N4BP1: variants seen among roughly 807,000 people sequenced by gnomAD.
N4BP1 encodes the protein NEDD4-binding protein 1.
In N4BP1, 21 loss-of-function variants were observed where a neutral mutation model predicts 70.9. The ratio of observed to expected loss-of-function variants is 0.30; its 90% confidence interval spans 0.21 to 0.43. The LOEUF (loss-of-function observed/expected upper bound fraction) is 0.43, where lower values mean the gene tolerates loss of function less well. Among genes scored for constraint, N4BP1 ranks in the 20% least tolerant of loss-of-function variants. N4BP1 has a pLI of 1.00. For missense variants in N4BP1, 936 were observed against 1,069.4 expected, an observed-to-expected ratio of 0.88 and a Z score of 1.74; for synonymous variants, 387 against 394.6, an observed-to-expected ratio of 0.98 and a Z score of 0.23.
intron 1 of N4BP1, among the ~76,000 whole-genome samples, chr16:48,563,043 A>T (rs1597097301): frequency 1.3e-5 from 2 of 152,188 alleles, no homozygotes. Flanking sequence ...CTGTTTTCTA[A>T]AGAAAACCAG....
At chr16:48,588,484 G>A (rs935173137) in intron 1 of N4BP1, among the ~76,000 whole-genome samples, 2 of 151,870 alleles carry the variant, frequency 1.3e-5, no homozygotes, top group African/African-American at 2.4e-5. Context: ...TAGTAGAGAC[G>A]GGGTTTCACC....
intron 1 of N4BP1, among the ~76,000 whole-genome samples, chr16:48,594,343 T>C (rs1200101251): frequency 1.3e-5 from 2 of 152,206 alleles, no homozygotes; most frequent in African/African-American, 4.8e-5. Context: ...CCTGGGATTC[T>C]ACTTTGTGAA....
At chr16:48,551,921 G>A (rs1363820929) in intron 3 of N4BP1, among the ~76,000 whole-genome samples, 1 of 152,142 alleles carries the variant, frequency 6.6e-6, no homozygotes, top group African/African-American at 2.4e-5. Context: ...AGGAGGCTGA[G>A]GCAGGAGAAT....
At chr16:48,577,085 G>C (rs970795132) in intron 1 of N4BP1, among the ~76,000 whole-genome samples, 4 of 152,112 alleles carry the variant, frequency 2.6e-5, no homozygotes, top group African/African-American at 7.2e-5. Flanking sequence ...GAAAAAGGTA[G>C]CCCAAGCCCC....
rs939626165 is a variant in N4BP1, at chr16:48,594,125, G to A, written c.198+15650C>T. Among the ~76,000 whole-genome samples the A allele has an allele frequency of 8.2e-5, 12 of 146,190 alleles. No individual in the cohort carries two copies. In the East Asian group the frequency reaches 1.4e-3, roughly 17 times the overall value. On this transcript the variant is annotated intron_variant, in intron 1 of 6. Transcript: ENST00000262384. ...TTTTCATGTAATATTAAAAGATAACGAAAGGTTTTCATTTGCCTTTTAAGT... is the reference window on the plus strand; with the variant it reads ...TTTTCATGTAATATTAAAAGATAACAAAAGGTTTTCATTTGCCTTTTAAGT...
intron 1 of N4BP1, among the ~76,000 whole-genome samples, chr16:48,574,773 C>A (rs1433967909): frequency 2.0e-5 from 3 of 152,168 alleles, no homozygotes; most frequent in African/African-American, 7.2e-5. Context: ...AATCTTTTCA[C>A]AGAAAGTGAT....
rs1963936349 is a variant in N4BP1 at position 48,565,882 on chromosome 16, C to T, written c.199-3438G>A. 5.3e-5 allele frequency among the ~76,000 whole-genome samples: 8 copies of T among 152,260 alleles called. No individual in the cohort carries two copies. In the South Asian group the frequency reaches 1.7e-3, roughly 32 times the overall value. ...AGTTTGTGCCTTTTGAGGAATTGGT[C>T]CATTTCAACTAAGTCATCAAATTTA... On this transcript the variant is annotated intron_variant, in intron 1 of 6. Transcript: ENST00000262384.
chr16:48,604,315 C>CT (rs1274923687), intron 1 of N4BP1, among the ~76,000 whole-genome samples: 1 of 152,108 alleles, frequency 6.6e-6, no homozygotes, highest in African/African-American at 2.4e-5. Flanking sequence ...CTTTGGGATG[C>CT]TGAGGTGGGA....
intron 1 of N4BP1, among the ~76,000 whole-genome samples, chr16:48,565,706 C>T (rs1333813960): frequency 6.6e-6 from 1 of 152,094 alleles, no homozygotes; most frequent in Admixed American, 6.5e-5. Context: ...AATTGATGTT[C>T]ATTCTTTTTT....
chr16:48,601,767 G>A (rs1040409394), intron 1 of N4BP1, among the ~76,000 whole-genome samples: 1 of 151,998 alleles, frequency 6.6e-6, no homozygotes, highest in Non-Finnish European at 1.5e-5. Context: ...TGGAGTGCAG[G>A]GGTACAATCA....
intron 1 of N4BP1, among the ~76,000 whole-genome samples, chr16:48,592,284 T>G (rs1364030042): frequency 6.6e-6 from 1 of 152,178 alleles, no homozygotes; most frequent in Non-Finnish European, 1.5e-5. Flanking sequence ...GCCAGGCAAT[T>G]AAATGCATGG....
Position 48,561,752 on chromosome 16 carries a change from C to T in N4BP1, c.891G>A (p.Lys297=). The T allele has an allele frequency of 6.2e-7, 1 of 1,612,382 alleles. No homozygotes were observed. Among genetic ancestry groups the T allele is most frequent in the South Asian group, 1.1e-5 (1 of 91,078 alleles). ...FSDSEERHTK[K]QFSLENVQEG... is the part of the protein sequence containing the mutation. Reference sequence around the variant, plus strand: ...CCTGAACATTTTCCAAAGAAAACTGCTTCTTCGTATGCCTTTCTTCAGAAT... The same window carrying T: ...CCTGAACATTTTCCAAAGAAAACTGTTTCTTCGTATGCCTTTCTTCAGAAT... The change falls in exon 2 of 7, where the codon AAG becomes AAA. Residue 297 remains lysine (K), a synonymous_variant. Coordinates refer to ENST00000262384, the MANE Select transcript of N4BP1 (RefSeq NM_153029.4).
chr16:48,562,870 T>G (rs962503506), intron 1 of N4BP1, among the ~76,000 whole-genome samples: 4 of 152,230 alleles, frequency 2.6e-5, no homozygotes, highest in African/African-American at 9.6e-5. Context: ...TCTTGACTTT[T>G]GCTACTATTA....
In N4BP1 at chr16:48,584,856, GTATTATTT is replaced by G. The variant is rs1964221229; in HGVS notation, c.199-22420_199-22413del. 2.6e-5 allele frequency among the ~76,000 whole-genome samples: 4 copies of G among 152,120 alleles called. No individual in the cohort carries two copies. The South Asian group carries it at 8.3e-4, about 31-fold the overall frequency. ...ATCAAAATAATTCTCACGCAAATCA[GTATTATTT>G]TATTATTTTAATACTAATTTAAAAA... On this transcript the variant is annotated intron_variant, in intron 1 of 6. Transcript: ENST00000262384.
chr16:48,594,542 G>A (rs1411385747), intron 1 of N4BP1, among the ~76,000 whole-genome samples: 1 of 152,118 alleles, frequency 6.6e-6, no homozygotes, highest in Non-Finnish European at 1.5e-5. Flanking sequence ...TTTTGGTAGA[G>A]ACGGGGTTTC....
At chr16:48,552,726 A>AG (rs1963693232) in intron 3 of N4BP1, among the ~76,000 whole-genome samples, 1 of 143,518 alleles carries the variant, frequency 7.0e-6, no homozygotes, top group Admixed American at 6.9e-5. Context: ...AAAAAAAAAA[A>AG]AAAAAAAAAA....
chr16:48,583,446 C>T (rs1964201211), intron 1 of N4BP1, among the ~76,000 whole-genome samples: 1 of 152,104 alleles, frequency 6.6e-6, no homozygotes, highest in Admixed American at 6.5e-5. Flanking sequence ...CACAAGATTA[C>T]AGTTAGATAG....
At chr16:48,549,827 T>C (rs1015599110) in intron 4 of N4BP1, among the ~76,000 whole-genome samples, 3 of 152,164 alleles carry the variant, frequency 2.0e-5, no homozygotes, top group Non-Finnish European at 4.4e-5. Context: ...TTCACTAGCT[T>C]GGGTCACAAG....
At chr16:48,566,623 G>C (rs1039325383) in intron 1 of N4BP1, among the ~76,000 whole-genome samples, 11 of 152,118 alleles carry the variant, frequency 7.2e-5, no homozygotes, top group African/African-American at 2.7e-4. Flanking sequence ...TTGTAGCCCA[G>C]GATAAGGTCT....
Sources: gnomAD v4.1 joint callset for allele counts (sites outside exome capture counted in the v4.1 genomes callset) on GRCh38, gnomAD v4.1.1 for gene constraint, MANE v1.5 for transcripts, NCBI Gene and HGNC (gene_info 2026-07-23, HGNC 2026-07-21) for gene names.